MKLN1: variants seen among roughly 807,000 people sequenced by gnomAD.
MKLN1 encodes the protein muskelin.
Under a neutral mutation model 99.0 loss-of-function variants are expected in MKLN1, and 18 were observed. The observed-to-expected ratio is 0.18, with a 90% CI of 0.13 to 0.27. MKLN1 has a LOEUF of 0.27. Ranked by LOEUF, MKLN1 falls within the 10% of genes least tolerant of loss-of-function variation. The pLI, the probability that MKLN1 is intolerant of heterozygous loss-of-function variation, is 1.00. For synonymous variants in MKLN1, 288 were observed against 293.2 expected (o/e 0.98, Z 0.18); for missense variants, 621 against 875.9 (o/e 0.71, Z 3.67).
chr7:131,382,670 C>T (rs1251218009), intron 2 of MKLN1, among the ~76,000 whole-genome samples: 1 of 152,036 alleles, frequency 6.6e-6, no homozygotes, highest in Non-Finnish European at 1.5e-5. Flanking sequence ...CCTTCTGTTC[C>T]AATATTAGAG....
intron 2 of MKLN1, among the ~76,000 whole-genome samples, chr7:131,378,528 T>TA (rs1189389620): frequency 6.6e-6 from 1 of 152,126 alleles, no homozygotes; most frequent in Admixed American, 6.6e-5. Context: ...ATGCACTGGA[T>TA]AAAAAATAGA....
At chr7:131,388,998 A>G in intron 4 of MKLN1, 26 bp downstream of exon 4, 1 of 1,502,352 alleles carries the variant, frequency 6.7e-7, no homozygotes, top group Non-Finnish European at 9.2e-7. Flanking sequence ...TCTGAAATAG[A>G]AACAAATTCT....
intron 1 of MKLN1, among the ~76,000 whole-genome samples, chr7:131,135,255 T>C (rs1444561760): frequency 1.3e-5 from 2 of 152,192 alleles, no homozygotes; most frequent in Non-Finnish European, 2.9e-5. Context: ...CCCGAGTAGC[T>C]GGGACTACAG....
chr7:131,152,625 G>A (rs1291010305), intron 2 of MKLN1, among the ~76,000 whole-genome samples: 6 of 151,114 alleles, frequency 4.0e-5, no homozygotes, highest in African/African-American at 1.5e-4. Flanking sequence ...TTAGCCTCCC[G>A]AGTAGCTGAG....
At chr7:131,387,069 A>G in intron 2 of MKLN1, 51 bp from the exon 3 acceptor site, 1 of 1,503,960 alleles carries the variant, frequency 6.6e-7, no homozygotes, top group Non-Finnish European at 8.9e-7. Context: ...AAAGTTGTCT[A>G]ACATTTGTTT....
Position 131,195,685 on chromosome 7 carries a change from G to T in MKLN1, c.-296-7172G>T, listed in dbSNP as rs529083944. On this transcript the variant is annotated intron_variant, in intron 2 of 7. Coordinates refer to the MKLN1 transcript ENST00000416992. ...ATAGTAGTTTCGGCTGGGCCCGGTG[G>T]CTCACGCCTGGAATCCCAGCACTCT... Among the ~76,000 whole-genome samples the T allele has an allele frequency of 1.7e-4, 26 of 152,226 alleles. 1 individual carries two copies. The South Asian group carries it at 5.4e-3, about 32-fold the overall frequency.
At chr7:131,460,425 T>G (rs559099249) in intron 12 of MKLN1, among the ~76,000 whole-genome samples, 16 of 152,368 alleles carry the variant, frequency 1.1e-4, no homozygotes, top group African/African-American at 3.6e-4. Flanking sequence ...AGGTCTTGTA[T>G]AAGTGCACAG....
Position 131,378,946 on chromosome 7 carries a change from CAGA to C in MKLN1, c.168+3459_168+3461del, listed in dbSNP as rs550867387. Among the ~76,000 whole-genome samples the C allele has an allele frequency of 2.5e-4, 35 of 138,206 alleles. No homozygotes were observed. The South Asian group carries it at 6.3e-3, about 25-fold the overall frequency. 90.7% of individuals were successfully genotyped at this position (138,206 alleles called of 152,430 possible). On this transcript the variant is annotated intron_variant, in intron 2 of 17. Coordinates refer to ENST00000352689, the MANE Select transcript of MKLN1 (RefSeq NM_013255.5). ...ATTCATTCTCAGGATAAGAATGAAA[CAGA>C]AGAAGTCCCCACCTCCTAGGGACCG...
intron 3 of MKLN1, among the ~76,000 whole-genome samples, chr7:131,209,061 C>T (rs1247110945): frequency 6.6e-6 from 1 of 152,110 alleles, no homozygotes; most frequent in Non-Finnish European, 1.5e-5. Flanking sequence ...GAATGAAGAG[C>T]ACTCTACGTG....
intron 15 of MKLN1, among the ~76,000 whole-genome samples, chr7:131,470,215 T>C (rs1796780259): frequency 6.6e-6 from 1 of 152,210 alleles, no homozygotes; most frequent in South Asian, 2.1e-4. Context: ...ATCATCATCA[T>C]TGCATTATTG....
chr7:131,208,557 C>T (rs1796853239), intron 3 of MKLN1, among the ~76,000 whole-genome samples: 1 of 152,122 alleles, frequency 6.6e-6, no homozygotes, highest in African/African-American at 2.4e-5. Flanking sequence ...TGAGATGGCA[C>T]CACTGCACTC....
chr7:131,155,346 A>G (rs1795947727), intron 2 of MKLN1, among the ~76,000 whole-genome samples: 1 of 152,220 alleles, frequency 6.6e-6, no homozygotes, highest in Non-Finnish European at 1.5e-5. Context: ...ATCCACAAAG[A>G]TTAGAATGGG....
chr7:131,370,402 GT>G lies in MKLN1; in HGVS notation c.99-5021del, dbSNP rs1321610615. On this transcript the variant is annotated intron_variant, in intron 1 of 17. Transcript: ENST00000352689. ...TTTTTTTTAAGGAATCTTTTTTAAA[GT>G]CTTTAATTCTTACTTTTAAAAAGTG... is the stretch of plus-strand genomic sequence containing the variant. Among the ~76,000 whole-genome samples, 5 of 142,740 alleles carry G rather than the reference GT, an allele frequency of 3.5e-5. No homozygotes were observed. In the East Asian group the frequency reaches 1.0e-3, roughly 30 times the overall value. The allele number at this position is 142,740 out of a possible 152,430, so 93.6% of individuals were successfully genotyped here.
intron 1 of MKLN1, among the ~76,000 whole-genome samples, chr7:131,372,884 CTTTCT>C (rs1793508390): frequency 6.6e-6 from 1 of 151,068 alleles, no homozygotes; most frequent in Middle Eastern, 3.4e-3. Flanking sequence ...TTTTCTTTTT[CTTTCT>C]TTTCTTTCTT....
intron 1 of MKLN1, among the ~76,000 whole-genome samples, chr7:131,349,888 C>T (rs1470566267): frequency 1.3e-5 from 2 of 152,042 alleles, no homozygotes; most frequent in African/African-American, 4.8e-5. Flanking sequence ...TCCTAGTGGT[C>T]GCTCCATTCA....
Position 131,302,800 on chromosome 7 carries a change from G to C in MKLN1, c.-178-72624G>C, listed in dbSNP as rs536360110. On this transcript the variant is annotated intron_variant, in intron 3 of 7. Coordinates refer to the MKLN1 transcript ENST00000416992. The stretch of plus-strand genomic sequence containing the variant: ...CATTAGTCCAGAAAATAAAAGTGCA[G>C]TAACTTATAATTTAAGAATTAGCAG... Among the ~76,000 whole-genome samples, 9 of 152,294 alleles carry C rather than the reference G, an allele frequency of 5.9e-5. No homozygotes were observed. In the East Asian group the frequency reaches 9.6e-4, roughly 16 times the overall value.
intron 3 of MKLN1, among the ~76,000 whole-genome samples, chr7:131,312,240 C>T (rs1221760921): frequency 6.6e-6 from 1 of 152,140 alleles, no homozygotes; most frequent in East Asian, 1.9e-4. Context: ...CCAGGCTGGT[C>T]TCAAACTCCT....
chr7:131,181,989 C>G (rs952730811), intron 2 of MKLN1, among the ~76,000 whole-genome samples: 2 of 152,118 alleles, frequency 1.3e-5, no homozygotes, highest in Non-Finnish European at 2.9e-5. Context: ...CAAAAATTAA[C>G]TGGGTGTGGT....
intron 2 of MKLN1, among the ~76,000 whole-genome samples, chr7:131,148,419 AT>A (rs1194165367): frequency 2.6e-5 from 4 of 152,224 alleles, no homozygotes; most frequent in Non-Finnish European, 4.4e-5. Context: ...AAATGGAGAA[AT>A]AAAGCACATA....
Sources: gnomAD v4.1 joint callset for allele counts (sites outside exome capture counted in the v4.1 genomes callset) on GRCh38, gnomAD v4.1.1 for gene constraint, MANE v1.5 for transcripts, NCBI Gene and HGNC (gene_info 2026-07-23, HGNC 2026-07-21) for gene names.